Variants in MEIS2 observed in about 807,000 individuals in gnomAD.
MEIS2 encodes the protein homeobox protein Meis2.
Under a neutral mutation model 58.6 loss-of-function variants are expected in MEIS2, and 9 were observed. That is an observed-to-expected ratio of 0.15 (90% CI 0.09 to 0.27). The LOEUF is 0.27. MEIS2 is among the 10% of genes least tolerant of loss of function. The pLI, the probability that MEIS2 is intolerant of heterozygous loss-of-function variation, is 1.00. For synonymous variants in MEIS2, 221 were observed against 228.4 expected, an observed-to-expected ratio of 0.97 and a Z score of 0.29; for missense variants, 427 against 635.0, an observed-to-expected ratio of 0.67 and a Z score of 3.52.
At chr15:36,934,203 T>C (rs1865777801) in intron 9 of MEIS2, among the ~76,000 whole-genome samples, 1 of 152,150 alleles carries the variant, frequency 6.6e-6, no homozygotes, top group South Asian at 2.1e-4. Context: ...GCCAGCATAA[T>C]TATATGAACA....
chr15:36,997,153 G>A (rs2141583060), intron 8 of MEIS2, among the ~76,000 whole-genome samples: 1 of 152,332 alleles, frequency 6.6e-6, no homozygotes, highest in East Asian at 1.9e-4. Flanking sequence ...AAAATTGCCA[G>A]ATGTGAGAGG....
intron 9 of MEIS2, among the ~76,000 whole-genome samples, chr15:36,948,681 A>C (rs1444968666): frequency 6.6e-6 from 1 of 151,992 alleles, no homozygotes; most frequent in Non-Finnish European, 1.5e-5. Flanking sequence ...GTGCAGAGCA[A>C]ACAAGTCTCC....
intron 7 of MEIS2, among the ~76,000 whole-genome samples, chr15:37,077,365 G>C (rs909447679): frequency 6.6e-6 from 1 of 151,988 alleles, no homozygotes; most frequent in Non-Finnish European, 1.5e-5. Flanking sequence ...AATCCATTTT[G>C]TTTAGTTATA....
At chr15:37,085,151 A>G (rs891443518) in intron 6 of MEIS2, among the ~76,000 whole-genome samples, 11 of 152,244 alleles carry the variant, frequency 7.2e-5, no homozygotes, top group Admixed American at 1.3e-4. Flanking sequence ...TATACAAAGT[A>G]TATCACTAAA....
intron 7 of MEIS2, among the ~76,000 whole-genome samples, chr15:37,060,008 G>A (rs918753723): frequency 1.3e-5 from 2 of 152,162 alleles, no homozygotes; most frequent in Non-Finnish European, 2.9e-5. Flanking sequence ...ATAGCTCACT[G>A]CAGCCTCCAT....
chr15:37,030,577 T>G (rs1453109647), intron 8 of MEIS2, among the ~76,000 whole-genome samples: 1 of 151,904 alleles, frequency 6.6e-6, no homozygotes, highest in South Asian at 2.1e-4. Context: ...CCTCAAGCAA[T>G]CCACCCCCCT....
chr15:37,036,188 G>T (rs1053260197), intron 8 of MEIS2, among the ~76,000 whole-genome samples: 1 of 152,164 alleles, frequency 6.6e-6, no homozygotes, highest in Non-Finnish European at 1.5e-5. Context: ...ACCGTTTCCA[G>T]AAGTGAACAT....
At chr15:37,085,201 C>T (rs867375030) in intron 6 of MEIS2, among the ~76,000 whole-genome samples, 2 of 151,956 alleles carry the variant, frequency 1.3e-5, no homozygotes, top group Middle Eastern at 3.4e-3. Context: ...ACTAAAAAAA[C>T]CAATCAAAGT....
At chr15:37,011,760 C>T (rs965585550) in intron 8 of MEIS2, among the ~76,000 whole-genome samples, 46 of 151,938 alleles carry the variant, frequency 3.0e-4, no homozygotes, top group African/African-American at 1.1e-3. Context: ...GCTGGGATTA[C>T]AGGCGTGTAC....
intron 9 of MEIS2, among the ~76,000 whole-genome samples, chr15:36,929,470 C>T (rs891157683): frequency 3.3e-5 from 5 of 152,134 alleles, no homozygotes; most frequent in East Asian, 1.9e-4. Context: ...GAAATTTGTA[C>T]GAGAGTATTG....
chr15:36,941,445 A>G (rs1351966613), intron 9 of MEIS2, among the ~76,000 whole-genome samples: 1 of 152,170 alleles, frequency 6.6e-6, no homozygotes, highest in East Asian at 1.9e-4. Flanking sequence ...CTCCTTATGC[A>G]TTGTGTTGCA....
In MEIS2 at chr15:37,077,952, A is replaced by C. The variant is rs1173173953; in HGVS notation, c.754+5819T>G. 2.6e-5 allele frequency among the ~76,000 whole-genome samples: 4 copies of C among 152,096 alleles called. No individual in the cohort carries two copies. The East Asian group carries it at 7.7e-4, about 29-fold the overall frequency. Reference sequence around the variant, plus strand: ...ATGTCTGAGAACTGATTCCAACAAGAATTTAGTCTCAGAGCAGAAAGGGAT... The same window carrying C: ...ATGTCTGAGAACTGATTCCAACAAGCATTTAGTCTCAGAGCAGAAAGGGAT... On this transcript the variant is annotated intron_variant, in intron 7 of 11. Coordinates refer to ENST00000561208, the MANE Select transcript of MEIS2 (RefSeq NM_170675.5).
chr15:36,932,240 T>C (rs1026010743), intron 9 of MEIS2, among the ~76,000 whole-genome samples: 6 of 152,186 alleles, frequency 3.9e-5, no homozygotes, highest in Non-Finnish European at 8.8e-5. Context: ...TGTTAAACAT[T>C]GATAAGAGAT....
chr15:36,976,141 G>A (rs964554086), intron 8 of MEIS2, among the ~76,000 whole-genome samples: 12 of 152,208 alleles, frequency 7.9e-5, no homozygotes, highest in Middle Eastern at 3.4e-3. Flanking sequence ...CTGGAGTGCA[G>A]TGGCGCGATC....
At chr15:37,047,406 T>C (rs2062720334) in intron 7 of MEIS2, among the ~76,000 whole-genome samples, 1 of 152,142 alleles carries the variant, frequency 6.6e-6, no homozygotes, top group African/African-American at 2.4e-5. Flanking sequence ...CCTAGGAATG[T>C]GCCAGATACC....
intron 8 of MEIS2, among the ~76,000 whole-genome samples, chr15:36,955,201 C>T (rs1000031445): frequency 3.3e-5 from 5 of 151,924 alleles, no homozygotes; most frequent in South Asian, 2.1e-4. Flanking sequence ...TATATATTTT[C>T]GTGAATTTTG....
chr15:37,032,066 C>T (rs1405457091), intron 8 of MEIS2, among the ~76,000 whole-genome samples: 1 of 152,090 alleles, frequency 6.6e-6, no homozygotes, highest in Non-Finnish European at 1.5e-5. Context: ...TGTCAAACTC[C>T]TAGCCCCAAG....
At chr15:36,944,144 T>TTGG (rs772970011) in intron 9 of MEIS2, among the ~76,000 whole-genome samples, 7 of 152,034 alleles carry the variant, frequency 4.6e-5, no homozygotes, top group Non-Finnish European at 8.8e-5. Flanking sequence ...TTATTCACAA[T>TTGG]TGGTATGCCA....
intron 9 of MEIS2, among the ~76,000 whole-genome samples, chr15:36,933,255 G>A (rs1180233468): frequency 1.3e-5 from 2 of 152,064 alleles, no homozygotes; most frequent in African/African-American, 2.4e-5. Context: ...AGAGCAGTGC[G>A]GCTTTCTATA....
Sources: allele counts gnomAD v4.1 joint callset (sites outside exome capture counted in the v4.1 genomes callset), GRCh38; gene constraint gnomAD v4.1.1; transcripts MANE v1.5; gene names NCBI Gene and HGNC (gene_info 2026-07-23, HGNC 2026-07-21).